The following ATP10A variants were observed in gnomAD, a reference collection of about 807,000 sequenced individuals.
The protein encoded by ATP10A is phospholipid-transporting ATPase VA.
In ATP10A, 111 loss-of-function variants were observed where a neutral mutation model predicts 147.8. That is an observed-to-expected ratio of 0.75 (90% CI 0.64 to 0.88). The LOEUF is 0.88. Ranked by LOEUF, ATP10A falls within the 40% of genes least tolerant of loss-of-function variation. The pLI is 0.00. For missense variants in ATP10A, 1,927 were observed against 1,959.0 expected (o/e 0.98, Z 0.31); for synonymous variants, 875 against 841.6 (o/e 1.04, Z -0.69).
upstream of ATP10A, chr15:25,863,592 C>G (rs549622920): frequency 5.2e-5 from 8 of 152,544 alleles, no homozygotes; most frequent in Non-Finnish European, 8.8e-5. Flanking sequence ...AAGGCGCCCC[C>G]GTCCCCAAGC....
Position 25,721,543 on chromosome 15 carries a change from CGTGTGTGTGTGTGTGT to C in ATP10A, c.1363+98_1363+113del, listed in dbSNP as rs59037981. 4.3e-4 allele frequency: 325 copies of C among 749,540 alleles called. 1 individual carries two copies. Among genetic ancestry groups the C allele is most frequent in the East Asian group, 4.2e-3 (162 of 38,408 alleles). The allele number at this position is 749,540 out of a possible 1,614,324, so 46.4% of individuals were successfully genotyped here. ...CCTTGAAAATCAGTAATCCCTGAAGCGTGTGTGTGTGTGTGTGTGTGTGTGTGTGTGTGTGTGTGTG... is the reference window on the plus strand; with the variant it reads ...CCTTGAAAATCAGTAATCCCTGAAGCGTGTGTGTGTGTGTGTGTGTGTGTG... On this transcript the variant is annotated intron_variant, in intron 7 of 20. Coordinates refer to ENST00000555815, the MANE Select transcript of ATP10A (RefSeq NM_024490.4).
chr15:25,749,717 G>C (rs1017265361), intron 2 of ATP10A, among the ~76,000 whole-genome samples: 1 of 152,142 alleles, frequency 6.6e-6, no homozygotes, highest in Non-Finnish European at 1.5e-5. Flanking sequence ...TGTAGAAAAT[G>C]ACATTAAAGC....
intron 4 of ATP10A, 57 bp from the exon 5 acceptor site, chr15:25,726,139 T>A: frequency 6.3e-7 from 1 of 1,580,074 alleles, no homozygotes; most frequent in Non-Finnish European, 8.6e-7. Flanking sequence ...AGGGACCAGC[T>A]GCATGGATGG....
chr15:25,714,773 TA>T (rs910472255), intron 9 of ATP10A, among the ~76,000 whole-genome samples: 1 of 152,130 alleles, frequency 6.6e-6, no homozygotes, highest in Non-Finnish European at 1.5e-5. Flanking sequence ...TTTTTCCAAT[TA>T]AAAAGTCACT....
chr15:25,723,988 T>C lies in ATP10A; in HGVS notation c.1013A>G (p.Lys338Arg). 1.2e-6 allele frequency: 2 copies of C among 1,608,140 alleles called. No individual in the cohort carries two copies. The highest frequency in any genetic ancestry group is 1.7e-6 in the Non-Finnish European group (2 of 1,177,782). ...CTTGGGGACATAAAATAATGACTTC[T>C]TCTCTTGATACCGCCATATCCACAG... ...HGLWIWRYQEKKSLFYVPKSD... is the reference protein window; with the variant it reads ...HGLWIWRYQERKSLFYVPKSD... Residue 338 changes from lysine to arginine, a missense_variant, in exon 6 of 21, where the codon AAG becomes AGG. Lys to Arg is a conservative substitution (Grantham distance 26). Coordinates refer to ENST00000555815, the MANE Select transcript of ATP10A (RefSeq NM_024490.4).
intron 1 of ATP10A, among the ~76,000 whole-genome samples, chr15:25,857,165 TG>T (rs1235005031): frequency 2.0e-5 from 3 of 152,202 alleles, no homozygotes; most frequent in African/African-American, 7.2e-5. Context: ...GAAATTAGGC[TG>T]GGCACACTGG....
At chr15:25,802,234 C>T (rs1890971546) in intron 1 of ATP10A, among the ~76,000 whole-genome samples, 2 of 152,202 alleles carry the variant, frequency 1.3e-5, no homozygotes. Context: ...GCAGCACAGA[C>T]CGAGCTGTTC....
At chr15:25,749,005 A>G (rs1377647132) in intron 2 of ATP10A, among the ~76,000 whole-genome samples, 2 of 150,264 alleles carry the variant, frequency 1.3e-5, no homozygotes, top group African/African-American at 4.9e-5. Context: ...AGAGGTTGCA[A>G]TGAGCCAAGA....
At chr15:25,705,457 A>AAC (rs1900929007) in intron 12 of ATP10A, among the ~76,000 whole-genome samples, 1 of 5,826 alleles carries the variant, frequency 1.7e-4, no homozygotes, top group Non-Finnish European at 4.4e-4. Flanking sequence ...AAAAAAACAA[A>AAC]AAAAAAAAAC....
At chr15:25,793,991 CA>C (rs1890548918) in intron 1 of ATP10A, among the ~76,000 whole-genome samples, 1 of 152,236 alleles carries the variant, frequency 6.6e-6, no homozygotes, top group Non-Finnish European at 1.5e-5. Context: ...CTACCTCATT[CA>C]GGATGTGTAT....
At chr15:25,783,578 T>A (rs72705892) in intron 1 of ATP10A, among the ~76,000 whole-genome samples, 7,004 of 152,286 alleles carry the variant, frequency 0.046, 229 homozygotes, top group Middle Eastern at 0.092. Flanking sequence ...CTACTTTTTT[T>A]AAATCCTCTA....
intron 1 of ATP10A, among the ~76,000 whole-genome samples, chr15:25,839,968 A>G (rs1892745479): frequency 6.6e-6 from 1 of 152,086 alleles, no homozygotes; most frequent in African/African-American, 2.4e-5. Flanking sequence ...CTCAACCACA[A>G]CCGAAATAGT....
At chr15:25,718,453 G>A (rs1293176139) in intron 7 of ATP10A, 54 bp from the exon 8 acceptor site, 1 of 1,509,616 alleles carries the variant, frequency 6.6e-7, no homozygotes, top group Non-Finnish European at 8.9e-7. Context: ...GGGCGGAGCA[G>A]AAAGAAACCA....
chr15:25,754,708 T>C (rs1249658617), intron 2 of ATP10A, among the ~76,000 whole-genome samples: 1 of 152,212 alleles, frequency 6.6e-6, no homozygotes, highest in African/African-American at 2.4e-5. Flanking sequence ...ACTTGCCTTC[T>C]AGCAGACCTG....
chr15:25,726,082 C>T lies in ATP10A; in HGVS notation c.848G>A (p.Gly283Glu). ...DAVVGIVIYAGHETKALLNNS... is the reference protein window; with the variant it reads ...DAVVGIVIYAEHETKALLNNS... ...GTTCAGCAGAGCCTTGGTTTCATGT[C>T]CTGTCGGGGAGGACAAAGAGACATG... Residue 283 changes from glycine to glutamate, a missense_variant and splice_region_variant, in exon 5 of 21, where the codon GGA (glycine) becomes GAA (glutamate). By Grantham distance (98) the Gly-to-Glu change is moderately conservative (BLOSUM62 -2). Transcript: ENST00000555815. 6.2e-7 allele frequency: 1 copy of T among 1,613,502 alleles called. No individual in the cohort carries two copies. Among genetic ancestry groups the T allele is most frequent in the African/African-American group, 1.3e-5 (1 of 75,044 alleles).
At chr15:25,692,045 C>T (rs1252476910) in intron 14 of ATP10A, among the ~76,000 whole-genome samples, 3 of 152,126 alleles carry the variant, frequency 2.0e-5, no homozygotes, top group Non-Finnish European at 4.4e-5. Flanking sequence ...GCCTGCTCTG[C>T]AGTGCCGCTC....
chr15:25,798,347 G>A (rs1404854196), intron 1 of ATP10A, among the ~76,000 whole-genome samples: 4 of 152,170 alleles, frequency 2.6e-5, no homozygotes, highest in African/African-American at 9.7e-5. Context: ...GTGCTGGGAG[G>A]CGTGGGGGAA....
At chr15:25,787,882 G>T (rs1369518753) in intron 1 of ATP10A, among the ~76,000 whole-genome samples, 1 of 152,080 alleles carries the variant, frequency 6.6e-6, no homozygotes. Context: ...TCCCTCACTG[G>T]TACCACCTGC....
chr15:25,783,682 G>A (rs995345454), intron 1 of ATP10A, among the ~76,000 whole-genome samples: 1 of 152,226 alleles, frequency 6.6e-6, no homozygotes, highest in African/African-American at 2.4e-5. Context: ...TTCTGACCTC[G>A]AAAACAAATG....
Sources: gnomAD v4.1 joint callset for allele counts (sites outside exome capture counted in the v4.1 genomes callset) on GRCh38, gnomAD v4.1.1 for gene constraint, MANE v1.5 for transcripts, NCBI Gene and HGNC (gene_info 2026-07-23, HGNC 2026-07-21) for gene names.